SH2D6: variants seen among roughly 807,000 people sequenced by gnomAD.
The protein encoded by SH2D6 is SH2 domain containing 6, also known as SH2 domain-containing protein 6.
In SH2D6, 31 loss-of-function variants were observed where a neutral mutation model predicts 30.2. The observed-to-expected ratio is 1.03, with a 90% CI of 0.77 to 1.38. The LOEUF (loss-of-function observed/expected upper bound fraction) is 1.38, where lower values mean the gene tolerates loss of function less well. Ranked by LOEUF, SH2D6 falls within the 40% of genes most tolerant of loss-of-function variation. The probability of loss-of-function intolerance (pLI) is 0.00; values close to 1 mark genes in which losing one functional copy is unlikely to be tolerated. For missense variants in SH2D6, 240 were observed against 266.8 expected (o/e 0.90, Z 0.70); for synonymous variants, 93 against 104.6 (o/e 0.89, Z 0.68).
At chr2:85,433,755 T>G in intron 16 of SH2D6, 124 bp downstream of exon 16, 2 of 764,046 alleles carry the variant, frequency 2.6e-6, no homozygotes, top group Non-Finnish European at 3.7e-6. Context: ...CCAACACGCA[T>G]TTGCCTTCAG....
At chr2:85,419,439 G>A (rs1687666413) in intron 2 of SH2D6, among the ~76,000 whole-genome samples, 195 bp downstream of exon 2, 1 of 152,198 alleles carries the variant, frequency 6.6e-6, no homozygotes. Context: ...GGAACTCAGG[G>A]TCCGGCCTGC....
At chr2:85,421,044 G>A (rs565846759) in intron 2 of SH2D6, among the ~76,000 whole-genome samples, 2 of 152,270 alleles carry the variant, frequency 1.3e-5, no homozygotes, top group South Asian at 4.1e-4. Context: ...GAGACGTCGG[G>A]GAGCCACTGT....
In SH2D6 at chr2:85,430,412, C is replaced by G. The variant is rs1374740064; in HGVS notation, c.113C>G (p.Ala38Gly). The change falls in exon 11 of 24, where the codon GCC (alanine) becomes GGC (glycine). Residue 38 changes from alanine to glycine, a missense_variant. Ala to Gly is a moderately conservative substitution (Grantham distance 60). Transcript: ENST00000469800. This position sits in a 1 kb window ranked among gnomAD's most constrained non-coding sequence, Gnocchi z 4.3. Reference protein sequence around the residue: ...EDAPSPSFLPAPGTWRHKAQE... With the variant: ...EDAPSPSFLPGPGTWRHKAQE... ...GCTCCCAGCCCTTCCTTCCTGCCTGCCCCAGGGACTTGGAGACACAAGGTG... is the reference window on the plus strand; with the variant it reads ...GCTCCCAGCCCTTCCTTCCTGCCTGGCCCAGGGACTTGGAGACACAAGGTG... The G allele has an allele frequency of 3.3e-5, 5 of 152,798 alleles. No individual in the cohort carries two copies. Among genetic ancestry groups the G allele is most frequent in the African/African-American group, 1.2e-4 (5 of 41,430 alleles). 9.5% of individuals were successfully genotyped at this position (152,798 alleles called of 1,614,324 possible). A position where few individuals can be genotyped will look rare whatever the true frequency, so the allele number is the denominator to read the frequency against.
intron 6 of SH2D6, among the ~76,000 whole-genome samples, chr2:85,426,017 G>C (rs1688020799): frequency 6.6e-6 from 1 of 152,188 alleles, no homozygotes; most frequent in Admixed American, 6.5e-5. Flanking sequence ...TGTAAAGCAT[G>C]TTTAGCAGCC....
chr2:85,436,811 G>A, intron 23 of SH2D6, 26 bp from the exon 24 acceptor site: 2 of 509,400 alleles, frequency 3.9e-6, no homozygotes, highest in Admixed American at 6.7e-5. Context: ...CCTCTCCAAG[G>A]CTGACACCCT....
At chr2:85,425,771 A>G (rs758974865) in intron 6 of SH2D6, among the ~76,000 whole-genome samples, 3 of 152,026 alleles carry the variant, frequency 2.0e-5, no homozygotes, top group Non-Finnish European at 4.4e-5. Flanking sequence ...AATGCCATTG[A>G]TTTGGGCCCT....
chr2:85,434,936 C>G, intron 19 of SH2D6, 129 bp from the exon 20 acceptor site: 1 of 1,600,210 alleles, frequency 6.2e-7, no homozygotes. Flanking sequence ...CACTGGGTGC[C>G]GGGGTTTGGG....
intron 5 of SH2D6, among the ~76,000 whole-genome samples, chr2:85,424,156 C>G (rs375235686): frequency 1.2e-4 from 19 of 152,368 alleles, no homozygotes; most frequent in African/African-American, 4.6e-4. Flanking sequence ...TCTTTCCTTT[C>G]TACCCCACCT....
At chr2:85,432,510 C>T (rs1000961958) in intron 14 of SH2D6, among the ~76,000 whole-genome samples, 1 of 151,754 alleles carries the variant, frequency 6.6e-6, no homozygotes, top group African/African-American at 2.4e-5. Context: ...ACGCCATTCT[C>T]CTGCCTCAGC....
At position 85,435,708 on chromosome 2, in the gene SH2D6, T is replaced by C; in HGVS notation, c.775T>C (p.Ser259Pro). 1.9e-6 allele frequency: 3 copies of C among 1,613,308 alleles called. No homozygotes were observed. The highest frequency in any genetic ancestry group is 1.1e-5 in the South Asian group (1 of 91,016). The change falls in exon 22 of 24, where the codon TCC (serine) becomes CCC (proline). Residue 259 changes from serine to proline, a missense_variant. Physicochemically the swap from Ser to Pro is moderately conservative, Grantham distance 74. Coordinates refer to ENST00000469800, the MANE Select transcript of SH2D6 (RefSeq NM_001394463.1). ...GCGCCCCAGCTCAGGGCCTCATGGC[T>C]CCCAGCCCTTCACCCTGGCAGTGCT... ...TVRPSSGPHG[S>P]QPFTLAVLLR...
At chr2:85,431,560 A>T (rs1012844021) in intron 13 of SH2D6, among the ~76,000 whole-genome samples, 1 of 151,904 alleles carries the variant, frequency 6.6e-6, no homozygotes, top group African/African-American at 2.4e-5. Flanking sequence ...CTTCCCTTGG[A>T]TTCTGGGGCC....
chr2:85,429,539 G>C (rs984555841), intron 8 of SH2D6, 48 bp from the exon 9 acceptor site: 1 of 152,622 alleles, frequency 6.6e-6, no homozygotes, highest in African/African-American at 2.4e-5. Flanking sequence ...ACTCGGCCAC[G>C]GGGGTGGTTG....
Position 85,435,445 on chromosome 2 carries a change from G to T in SH2D6, c.681G>T (p.Ser227=). The T allele has an allele frequency of 1.2e-6, 2 of 1,613,876 alleles. No individual in the cohort carries two copies. Among genetic ancestry groups the T allele is most frequent in the Non-Finnish European group, 1.7e-6 (2 of 1,179,988 alleles). The change falls in exon 21 of 24, where the codon TCG becomes TCT. Residue 227 remains serine (S), a synonymous_variant. Transcript: ENST00000469800. ...DSDLLTQPWY[S]GNCDRYAVES... is the part of the protein sequence containing the mutation. Reference sequence around the variant, plus strand: ...ATCTGCTGACTCAGCCTTGGTACTCGGGGAACTGTGACCGCTATGCTGTTG... The same window carrying T: ...ATCTGCTGACTCAGCCTTGGTACTCTGGGAACTGTGACCGCTATGCTGTTG...
At position 85,433,565 on chromosome 2, in the gene SH2D6, C is replaced by T. The variant is rs1689020794; in HGVS notation, c.394-6C>T. 5.0e-6 allele frequency: 5 copies of T among 997,244 alleles called. No homozygotes were observed. Among genetic ancestry groups the T allele is most frequent in the African/African-American group, 1.7e-5 (1 of 57,462 alleles). 61.8% of individuals were successfully genotyped at this position (997,244 alleles called of 1,614,324 possible). A position where few individuals can be genotyped will look rare whatever the true frequency, so the allele number is the denominator to read the frequency against. On this transcript the variant is annotated splice_region_variant and splice_polypyrimidine_tract_variant and intron_variant, in intron 15 of 23. Transcript: ENST00000469800. ...CCATGGTCTCACACACCCCTCCCTA[C>T]CTTAGGTGCCAGGCCCTCCAAAGAA...
rs576771310 is a variant in SH2D6 at position 85,421,897 on chromosome 2, C to G, written c.-576-306C>G. 2.0e-5 allele frequency: 3 copies of G among 152,402 alleles called. No individual in the cohort carries two copies. In the East Asian group the frequency reaches 5.8e-4, roughly 29 times the overall value. The allele number at this position is 152,402 out of a possible 1,614,324, so 9.4% of individuals were successfully genotyped here. A position where few individuals can be genotyped will look rare whatever the true frequency, so the allele number is the denominator to read the frequency against. On this transcript the variant is annotated intron_variant, in intron 2 of 23. Transcript: ENST00000469800. ...ATGTCACACTGTGTTTGCAACCACT[C>G]TCCCCCACACCCAACCTCACCTGTG...
At chr2:85,426,953 C>T (rs1688099419) in intron 6 of SH2D6, among the ~76,000 whole-genome samples, 1 of 152,184 alleles carries the variant, frequency 6.6e-6, no homozygotes, top group Admixed American at 6.5e-5. Context: ...TTGGAGGACA[C>T]CCCGCTGTGT....
In SH2D6 at chr2:85,436,396, C is replaced by T. The variant is rs537430729; in HGVS notation, c.892-70C>T. 3.3e-5 allele frequency: 38 copies of T among 1,149,508 alleles called. No homozygotes were observed. In the South Asian group the frequency reaches 4.7e-4, roughly 14 times the overall value. The allele number at this position is 1,149,508 out of a possible 1,614,324, so 71.2% of individuals were successfully genotyped here. A position where few individuals can be genotyped will look rare whatever the true frequency, so the allele number is the denominator to read the frequency against. On this transcript the variant is annotated intron_variant, in intron 22 of 23. Transcript: ENST00000469800. ...CAAAAGTCCCCTTGCCAGAGTCCCACAGTTGCCTCAGGAAATTGCTCCCAG... is the reference window on the plus strand; with the variant it reads ...CAAAAGTCCCCTTGCCAGAGTCCCATAGTTGCCTCAGGAAATTGCTCCCAG...
intron 16 of SH2D6, 40 bp downstream of exon 16, chr2:85,433,671 G>T: frequency 9.6e-7 from 1 of 1,045,682 alleles, no homozygotes. Context: ...CCTGCCCGAG[G>T]CCCTCAGCTG....
chr2:85,434,196 C>G, intron 17 of SH2D6, 85 bp downstream of exon 17: 1 of 1,526,756 alleles, frequency 6.5e-7, no homozygotes, highest in Non-Finnish European at 8.9e-7. Context: ...TTCCCCAGCC[C>G]TGACCCTGGG....
Sources: gnomAD v4.1 joint callset for allele counts (sites outside exome capture counted in the v4.1 genomes callset) on GRCh38, gnomAD v4.1.1 for gene constraint, Gnocchi (gnomAD v3.1) non-coding constraint, MANE v1.5 for transcripts, NCBI Gene and HGNC (gene_info 2026-07-23, HGNC 2026-07-21) for gene names.